Variants in IGSF21 observed in about 807,000 individuals in gnomAD.
IGSF21 encodes immunoglobin superfamily member 21.
A neutral mutation model predicts 46.8 loss-of-function variants in IGSF21; 28 were observed. That is an observed-to-expected ratio of 0.60 (90% CI 0.44 to 0.82). The LOEUF (loss-of-function observed/expected upper bound fraction) is 0.82. Among genes scored for constraint, IGSF21 ranks in the 40% least tolerant of loss-of-function variants. IGSF21 has a pLI of 0.00. For synonymous variants in IGSF21, 284 were observed against 273.6 expected (o/e 1.04, Z -0.38); for missense variants, 624 against 665.5 (o/e 0.94, Z 0.69).
chr1:18,283,135 G>A (rs2085178818), intron 2 of IGSF21, among the ~76,000 whole-genome samples: 1 of 152,148 alleles, frequency 6.6e-6, no homozygotes, highest in South Asian at 2.1e-4. Flanking sequence ...TCTCCTCCCT[G>A]CCACTCTCCC....
At chr1:18,206,839 C>T (rs1352513718) in intron 1 of IGSF21, among the ~76,000 whole-genome samples, 1 of 152,218 alleles carries the variant, frequency 6.6e-6, no homozygotes, top group Non-Finnish European at 1.5e-5. Context: ...CAGAGGACTG[C>T]TGCTATCTCA....
intron 1 of IGSF21, among the ~76,000 whole-genome samples, chr1:18,142,940 G>C (rs2086431144): frequency 4.6e-5 from 7 of 152,306 alleles, no homozygotes; most frequent in Middle Eastern, 3.4e-3. Flanking sequence ...GTGTTTGGAT[G>C]GGGAACCAGA....
intron 1 of IGSF21, among the ~76,000 whole-genome samples, chr1:18,117,594 T>A (rs1189186878): frequency 1.3e-5 from 2 of 152,328 alleles, no homozygotes; most frequent in South Asian, 2.1e-4. Context: ...GGAGGCCATA[T>A]GCACAGTGGC....
Position 18,108,003 on chromosome 1 carries a change from C to A in IGSF21, c.-126C>A. 1 of 325,542 alleles carries A rather than the reference C, an allele frequency of 3.1e-6. No individual in the cohort carries two copies. Among genetic ancestry groups the A allele is most frequent in the Non-Finnish European group, 5.1e-6 (1 of 195,418 alleles). 20.2% of individuals were successfully genotyped at this position (325,542 alleles called of 1,614,324 possible). A position where few individuals can be genotyped will look rare whatever the true frequency, so the allele number is the denominator to read the frequency against. ...GCATGGGGGCGCCCCCGCGGCTCTC[C>A]GCGCTGCCCGCCACCGCCTCGGCCA... is the stretch of plus-strand genomic sequence containing the variant. On this transcript the variant is annotated 5_prime_UTR_variant, in exon 1 of 10. Coordinates refer to ENST00000251296, the MANE Select transcript of IGSF21 (RefSeq NM_032880.5).
intron 1 of IGSF21, among the ~76,000 whole-genome samples, chr1:18,144,397 G>T (rs76103494): frequency 6.6e-6 from 1 of 152,120 alleles, no homozygotes; most frequent in Non-Finnish European, 1.5e-5. Flanking sequence ...CCAGAGGTAG[G>T]GCTACCCCTA....
At chr1:18,320,325 C>A (rs540758925) in intron 3 of IGSF21, among the ~76,000 whole-genome samples, 2 of 138,862 alleles carry the variant, frequency 1.4e-5, no homozygotes, top group Non-Finnish European at 3.3e-5. Context: ...CCTTCAGCAC[C>A]ACGTAGCGCA....
chr1:18,182,136 C>T (rs955835151), intron 1 of IGSF21, among the ~76,000 whole-genome samples: 1 of 149,844 alleles, frequency 6.7e-6, no homozygotes, highest in African/African-American at 2.5e-5. Context: ...CCTTCCACCA[C>T]AAAGTGGAAA....
chr1:18,298,100 C>T (rs1569755616), intron 3 of IGSF21, among the ~76,000 whole-genome samples: 1 of 152,256 alleles, frequency 6.6e-6, no homozygotes, highest in African/African-American at 2.4e-5. Context: ...TGAGAAAGAG[C>T]TTGGTGTGAT....
chr1:18,304,305 C>T (rs989828186), intron 3 of IGSF21, among the ~76,000 whole-genome samples: 3 of 152,174 alleles, frequency 2.0e-5, no homozygotes, highest in Non-Finnish European at 4.4e-5. Context: ...GCACAGCCAG[C>T]AAGTAGGTTG....
intron 1 of IGSF21, among the ~76,000 whole-genome samples, chr1:18,214,261 G>T (rs1394565019): frequency 6.6e-6 from 1 of 152,154 alleles, no homozygotes; most frequent in Non-Finnish European, 1.5e-5. Flanking sequence ...GGAGGTCGGG[G>T]CAGGGGATGG....
intron 1 of IGSF21, among the ~76,000 whole-genome samples, chr1:18,199,833 C>T (rs2124482008): frequency 6.6e-6 from 1 of 152,338 alleles, no homozygotes; most frequent in South Asian, 2.1e-4. Context: ...AGAGCCCCTC[C>T]CCGCTTCGTC....
chr1:18,222,859 T>C (rs1382566967), intron 1 of IGSF21, among the ~76,000 whole-genome samples: 4 of 152,212 alleles, frequency 2.6e-5, no homozygotes, highest in African/African-American at 9.6e-5. Flanking sequence ...AACAGCTCCC[T>C]TGCTATATGA....
At chr1:18,287,420 A>G (rs2124561694) in intron 2 of IGSF21, among the ~76,000 whole-genome samples, 1 of 147,392 alleles carries the variant, frequency 6.8e-6, no homozygotes, top group Middle Eastern at 3.5e-3. Flanking sequence ...CAAACAAAAC[A>G]AAAAAAAAAT....
chr1:18,365,071 T>G lies in IGSF21; in HGVS notation c.541-152T>G. 1 of 618,880 alleles carries G rather than the reference T, an allele frequency of 1.6e-6. No homozygotes were observed. Among genetic ancestry groups the G allele is most frequent in the Non-Finnish European group, 2.8e-6 (1 of 351,032 alleles). The allele number at this position is 618,880 out of a possible 1,614,324, so 38.3% of individuals were successfully genotyped here. ...CACACTGGCTCATAGTTCTTGGGGG[T>G]GTTGAAGGGAAAAGAGTGGGGTGAG... On this transcript the variant is annotated intron_variant, in intron 5 of 9. Transcript: ENST00000251296. This position sits in a 1 kb window ranked among gnomAD's most constrained non-coding sequence, Gnocchi z 4.8.
chr1:18,297,496 A>G (rs1357808097), intron 3 of IGSF21, among the ~76,000 whole-genome samples: 6 of 152,118 alleles, frequency 3.9e-5, no homozygotes, highest in Admixed American at 3.9e-4. Context: ...GTGAGGAGAG[A>G]CACACTACAA....
At chr1:18,176,641 C>T (rs555875895) in intron 1 of IGSF21, among the ~76,000 whole-genome samples, 11 of 152,294 alleles carry the variant, frequency 7.2e-5, no homozygotes, top group African/African-American at 2.6e-4. Context: ...AGAGTATCTG[C>T]GCCCCTGACC....
chr1:18,312,167 G>A (rs150448808), intron 3 of IGSF21, among the ~76,000 whole-genome samples: 102 of 152,296 alleles, frequency 6.7e-4, no homozygotes, highest in Middle Eastern at 3.4e-3. Flanking sequence ...CTGGTCTCCT[G>A]ATCACAGCTC....
rs2084354078 is a variant in IGSF21, at chr1:18,208,392, T to TAC, written c.71-19505_71-19504insCA. The stretch of plus-strand genomic sequence containing the variant: ...TTTAGGAATAATATATATATATATA[T>TAC]ATATTTTTTGAGACGGAGTCTTGCT... On this transcript the variant is annotated intron_variant, in intron 1 of 9. Transcript: ENST00000251296. 4.2e-5 allele frequency among the ~76,000 whole-genome samples: 5 copies of TAC among 119,874 alleles called. No homozygotes were observed. The Admixed American group carries it at 4.3e-4, about 10-fold the overall frequency. The allele number at this position is 119,874 out of a possible 152,430, so 78.6% of individuals were successfully genotyped here.
intron 2 of IGSF21, among the ~76,000 whole-genome samples, chr1:18,278,356 C>T (rs2085124237): frequency 6.6e-6 from 1 of 151,946 alleles, no homozygotes. Context: ...TCTCATGCCT[C>T]AGCCTCCTGA....
Sources: gnomAD v4.1 joint callset for allele counts (sites outside exome capture counted in the v4.1 genomes callset) on GRCh38, gnomAD v4.1.1 for gene constraint, Gnocchi (gnomAD v3.1) non-coding constraint, MANE v1.5 for transcripts, NCBI Gene and HGNC (gene_info 2026-07-23, HGNC 2026-07-21) for gene names.